AMY2B: variants seen among roughly 807,000 people sequenced by gnomAD.
AMY2B encodes the protein alpha-amylase 2B.
A neutral mutation model predicts 59.3 loss-of-function variants in AMY2B; 63 were observed. That is an observed-to-expected ratio of 1.06 (90% CI 0.87 to 1.31). The LOEUF is 1.31. AMY2B is among the 50% of genes most tolerant of loss of function. The pLI is 0.00. For missense variants in AMY2B, 635 were observed against 626.7 expected (o/e 1.01, Z -0.14); for synonymous variants, 180 against 198.1 (o/e 0.91, Z 0.77).
At position 103,574,326 on chromosome 1, in the gene AMY2B, T is replaced by A; in HGVS notation, c.811T>A (p.Phe271Ile). 6.2e-7 allele frequency: 1 copy of A among 1,611,816 alleles called. No homozygotes were observed. Among genetic ancestry groups the A allele is most frequent in the Non-Finnish European group, 8.5e-7 (1 of 1,179,752 alleles). ...CTTTGGAAATGGCCGGGTGACAGAA[T>A]TCAAGTATGGTGCAAAACTCGGCAC... is the stretch of plus-strand genomic sequence containing the variant. ...DYFGNGRVTEFKYGAKLGTVI... is the reference protein window; with the variant it reads ...DYFGNGRVTEIKYGAKLGTVI... The change falls in exon 5 of 10, where the codon TTC (phenylalanine) becomes ATC (isoleucine). Residue 271 changes from phenylalanine to isoleucine, a missense_variant. Coordinates refer to ENST00000684275, the MANE Select transcript of AMY2B (RefSeq NM_001387437.1).
Position 103,577,621 on chromosome 1 carries a change from A to G in AMY2B, c.1220+13A>G. On this transcript the variant is annotated intron_variant, in intron 8 of 9. Transcript: ENST00000684275. ...GGCGCCAAATAAGGTGAGAATATGT[A>G]TTTAGACATGTCCTCTAATAGTAAA... is the stretch of plus-strand genomic sequence containing the variant. The G allele has an allele frequency of 1.9e-6, 3 of 1,611,890 alleles. No homozygotes were observed. The highest frequency in any genetic ancestry group is 2.5e-6 in the Non-Finnish European group (3 of 1,179,778).
chr1:103,571,517 T>C (rs1248117693), upstream of AMY2B: 38 of 1,580,806 alleles, frequency 2.4e-5, no homozygotes, highest in Non-Finnish European at 3.0e-5. Flanking sequence ...CAAGTATTTA[T>C]TCATGCTAAT....
At chr1:103,557,533 G>C (rs1242904638) in intron 1 of AMY2B, among the ~76,000 whole-genome samples, 2 of 151,748 alleles carry the variant, frequency 1.3e-5, no homozygotes, top group Non-Finnish European at 2.9e-5. Flanking sequence ...TCATGCCTGT[G>C]GTCCCAGCTA....
At chr1:103,559,603 C>T (rs762835736) in intron 1 of AMY2B, among the ~76,000 whole-genome samples, 1 of 151,402 alleles carries the variant, frequency 6.6e-6, no homozygotes, top group South Asian at 2.1e-4. Context: ...ACATGACAAA[C>T]GATAATAACA....
chr1:103,578,011 AC>A, intron 9 of AMY2B, among the ~76,000 whole-genome samples, 166 bp downstream of exon 9: 1 of 152,276 alleles, frequency 6.6e-6, no homozygotes, highest in East Asian at 1.9e-4. Flanking sequence ...GATGGCTGTT[AC>A]TCCTTCATTC....
intron 7 of AMY2B, 41 bp from the exon 8 acceptor site, chr1:103,577,449 T>C (rs749596438): frequency 1.2e-6 from 2 of 1,611,674 alleles, no homozygotes; most frequent in East Asian, 4.5e-5. Flanking sequence ...AAGAGGTAAA[T>C]ATATGTATGT....
chr1:103,559,236 G>A (rs1405295327), intron 1 of AMY2B, among the ~76,000 whole-genome samples: 1 of 152,074 alleles, frequency 6.6e-6, no homozygotes, highest in Admixed American at 6.6e-5. Context: ...TATTTTTATC[G>A]GAAGTTTCCT....
At chr1:103,577,279 CTTTG>C (rs1298067030) in intron 7 of AMY2B, 1 of 996,348 alleles carries the variant, frequency 1.0e-6, no homozygotes, top group Non-Finnish European at 1.5e-6. Flanking sequence ...AATTTGTTAC[CTTTG>C]TTTGAAATAT....
chr1:103,561,240 T>C (rs1321692569), intron 1 of AMY2B, among the ~76,000 whole-genome samples: 1 of 152,152 alleles, frequency 6.6e-6, no homozygotes, highest in African/African-American at 2.4e-5. Context: ...ATCTAGTAGA[T>C]GGTGATGCAT....
exon 2 of AMY2B, chr1:103,565,558 T>G (rs935173336): frequency 6.6e-6 from 1 of 152,202 alleles, no homozygotes; most frequent in Non-Finnish European, 1.5e-5. Flanking sequence ...TTGGAATGAC[T>G]AGGGACAACT....
upstream of AMY2B, chr1:103,570,153 C>T (rs752756967): frequency 5.2e-4 from 239 of 458,328 alleles, no homozygotes; most frequent in Non-Finnish European, 9.1e-4. Context: ...ATAGCTTCAG[C>T]ACCACTGCCG....
upstream of AMY2B, chr1:103,571,178 T>C (rs1652116518): frequency 2.5e-6 from 2 of 816,116 alleles, no homozygotes; most frequent in Non-Finnish European, 3.1e-6. Context: ...CAGAACACCA[T>C]GGGCTGTTAC....
chr1:103,573,319 C>T (rs1417951570), intron 3 of AMY2B, 59 bp downstream of exon 3: 7 of 1,607,962 alleles, frequency 4.4e-6, no homozygotes, highest in Non-Finnish European at 6.0e-6. Context: ...TTCTTGTAGA[C>T]ATGTAGCTAA....
At chr1:103,572,381 A>C in intron 2 of AMY2B, 125 bp downstream of exon 2, 1 of 1,472,774 alleles carries the variant, frequency 6.8e-7, no homozygotes. Context: ...TCATACTTTA[A>C]AACTCAAAAT....
At chr1:103,570,918 T>C (rs1175224129), upstream of AMY2B, 1 of 352,198 alleles carries the variant, frequency 2.8e-6, no homozygotes, top group African/African-American at 2.1e-5. Flanking sequence ...ATTTCAGTCT[T>C]TAGTACATGT....
chr1:103,559,141 CACTTTAAA>C (rs1651655623), intron 1 of AMY2B, among the ~76,000 whole-genome samples: 1 of 152,148 alleles, frequency 6.6e-6, no homozygotes, highest in Non-Finnish European at 1.5e-5. Context: ...AACAAATAAT[CACTTTAAA>C]ACTTAAAACC....
rs370640522 is a variant in AMY2B, at chr1:103,579,422, C to T, written c.1458C>T (p.Asp486=). ...NCTGIKIYVS[D]DGKAHFSISN... ...CAGGCATTAAAATCTACGTTTCTGA[C>T]GATGGCAAAGCTCATTTTTCTATTA... is the stretch of plus-strand genomic sequence containing the variant. Residue 486 remains aspartate, a synonymous_variant, in exon 10 of 10, where the codon GAC becomes GAT. Coordinates refer to ENST00000684275, the MANE Select transcript of AMY2B (RefSeq NM_001387437.1). The T allele has an allele frequency of 7.2e-5, 116 of 1,611,722 alleles. No individual in the cohort carries two copies. Among genetic ancestry groups the T allele is most frequent in the East Asian group, 5.1e-4 (23 of 44,846 alleles).
intron 1 of AMY2B, among the ~76,000 whole-genome samples, chr1:103,557,382 G>T (rs1245871687): frequency 3.9e-5 from 6 of 152,152 alleles, no homozygotes; most frequent in Admixed American, 3.3e-4. Context: ...CAGGTGCAGT[G>T]GCTCACGGCT....
chr1:103,562,173 C>T (rs1237841294), intron 1 of AMY2B: 1 of 152,168 alleles, frequency 6.6e-6, no homozygotes, highest in Admixed American at 6.6e-5. Flanking sequence ...GTTTCTGTCA[C>T]ATGATTTGAT....
Sources: gnomAD v4.1 joint callset for allele counts (sites outside exome capture counted in the v4.1 genomes callset) on GRCh38, gnomAD v4.1.1 for gene constraint, MANE v1.5 for transcripts, NCBI Gene and HGNC (gene_info 2026-07-23, HGNC 2026-07-21) for gene names.